The following CDKN2B-AS1 variants were observed in gnomAD, a reference collection of about 807,000 sequenced individuals.
The protein encoded by CDKN2B-AS1 is CDKN2B and CDKN2A antisense cis and trans regulatory RNA 1.
intron 4 of CDKN2B-AS1, among the ~76,000 whole-genome samples, chr9:22,127,093 C>T (rs1440831528): frequency 5.3e-5 from 8 of 151,830 alleles, no homozygotes. Context: ...TTTTTCTTTT[C>T]TTTTTTTAGA....
In CDKN2B-AS1 at chr9:22,124,369, A is replaced by G. The variant is rs17761458; in HGVS notation, n.439-2734A>G. On this transcript the variant is annotated intron_variant and non_coding_transcript_variant, in intron 4 of 4. Coordinates refer to ENST00000650946, the Ensembl canonical transcript of CDKN2B-AS1. ...AAAGCTTCTAAACTAACAAACAGCC[A>G]ATTTGTGGAGTGTCACTGGAAAGTG... 8.0e-3 allele frequency among the ~76,000 whole-genome samples: 1,212 copies of G among 152,264 alleles called. 76 individuals carry two copies. In the East Asian group the frequency reaches 0.16, roughly 20 times the overall value.
chr9:22,088,249 G>C (rs1366237401), intron 4 of CDKN2B-AS1, among the ~76,000 whole-genome samples: 18 of 152,148 alleles, frequency 1.2e-4, no homozygotes, highest in Admixed American at 6.5e-5. Context: ...GATTATGAAA[G>C]GTCGTAAGAA....
rs144053296 is a variant in CDKN2B-AS1, at chr9:22,090,418, G to A, written n.438+34031G>A. ...GAATCGACACACTGACTTCCACAAC[G>A]GTTGAACTAGTTTACAGTCCCACCA... On this transcript the variant is annotated intron_variant and non_coding_transcript_variant, in intron 4 of 4. Coordinates refer to ENST00000650946, the Ensembl canonical transcript of CDKN2B-AS1. Among the ~76,000 whole-genome samples, 23 of 152,260 alleles carry A rather than the reference G, an allele frequency of 1.5e-4. No homozygotes were observed. In the East Asian group the frequency reaches 4.3e-3, roughly 28 times the overall value.
At position 22,101,154 on chromosome 9, in the gene CDKN2B-AS1, C is replaced by T. The variant is rs184923130; in HGVS notation, n.439-25949C>T. ...TTCAGAGACACCCTTCAACAGACTG[C>T]GCTTCTTATTTTCAGAGTATGTATT... is the stretch of plus-strand genomic sequence containing the variant. On this transcript the variant is annotated intron_variant and non_coding_transcript_variant, in intron 4 of 4. Transcript: ENST00000650946. Among the ~76,000 whole-genome samples, 462 of 152,208 alleles carry T rather than the reference C, an allele frequency of 3.0e-3. 2 individuals are homozygous for T. Among genetic ancestry groups the T allele is most frequent in the Non-Finnish European group, 5.3e-3 (363 of 68,000 alleles).
At chr9:22,020,897 A>T (rs1330032113) in intron 1 of CDKN2B-AS1, among the ~76,000 whole-genome samples, 2 of 152,148 alleles carry the variant, frequency 1.3e-5, no homozygotes, top group Non-Finnish European at 2.9e-5. Flanking sequence ...TGCATTTGTC[A>T]ATTTTTTCTT....
chr9:22,038,854 C>G (rs186659826), intron 1 of CDKN2B-AS1, among the ~76,000 whole-genome samples: 34 of 152,074 alleles, frequency 2.2e-4, no homozygotes, highest in Non-Finnish European at 4.6e-4. Context: ...CTGCTTATCT[C>G]CTTTTGTACT....
intron 1 of CDKN2B-AS1, among the ~76,000 whole-genome samples, chr9:22,028,006 T>C (rs146585936): frequency 6.6e-6 from 1 of 152,258 alleles, no homozygotes; most frequent in East Asian, 1.9e-4. Context: ...TCTTCATCAA[T>C]ATCTTCATTC....
chr9:21,997,208 T>C lies in CDKN2B-AS1; in HGVS notation n.29+2047T>C, dbSNP rs1286349357. 6.6e-6 allele frequency among the ~76,000 whole-genome samples: 1 copy of C among 152,198 alleles called. No individual in the cohort carries two copies. Among genetic ancestry groups the C allele is most frequent in the Non-Finnish European group, 1.5e-5 (1 of 68,032 alleles). On this transcript the variant is annotated intron_variant and non_coding_transcript_variant, in intron 1 of 4. Coordinates refer to ENST00000650946, the Ensembl canonical transcript of CDKN2B-AS1. The surrounding 1 kb of genome is among the most constrained non-coding windows in gnomAD (Gnocchi z 4.8). ...CAACATGTTACTATACTGAATACTG[T>C]AGATAATTGTAACAAAATGTAGTTT...
chr9:22,103,052 C>A (rs568795171), intron 4 of CDKN2B-AS1, among the ~76,000 whole-genome samples: 2 of 151,958 alleles, frequency 1.3e-5, no homozygotes, highest in South Asian at 4.2e-4. Context: ...CAAACACAAT[C>A]TATCCAGAAA....
chr9:22,050,946 C>G (rs1359199423), intron 3 of CDKN2B-AS1, among the ~76,000 whole-genome samples: 1 of 152,130 alleles, frequency 6.6e-6, no homozygotes. Context: ...AAACGGCTAC[C>G]GTTTTTGCAG....
At chr9:22,014,713 C>G (rs991878811) in intron 1 of CDKN2B-AS1, among the ~76,000 whole-genome samples, 10 of 151,294 alleles carry the variant, frequency 6.6e-5, no homozygotes, top group Admixed American at 4.6e-4. Context: ...CACCCATTAA[C>G]TTGTCATTTA....
rs955363704 is a variant in CDKN2B-AS1, at chr9:21,997,060, C to T, written n.29+1899C>T. On this transcript the variant is annotated intron_variant and non_coding_transcript_variant, in intron 1 of 4. Transcript: ENST00000650946. This position sits in a 1 kb window ranked among gnomAD's most constrained non-coding sequence, Gnocchi z 4.8. ...TTGCTTAACAACAGGGATACATTCT[C>T]AGACATGTATCTTTAGGCGATTTCA... Among the ~76,000 whole-genome samples, 2 of 152,160 alleles carry T rather than the reference C, an allele frequency of 1.3e-5. No individual in the cohort carries two copies. The highest frequency in any genetic ancestry group is 1.3e-4 in the Admixed American group (2 of 15,276).
intron 1 of CDKN2B-AS1, among the ~76,000 whole-genome samples, chr9:21,998,025 C>G (rs1418754134): frequency 6.6e-6 from 1 of 152,108 alleles, no homozygotes; most frequent in African/African-American, 2.4e-5. Flanking sequence ...GGAATGCCAT[C>G]TGAATAAAAG....
intron 1 of CDKN2B-AS1, chr9:22,003,572 T>C (rs1304252092): frequency 8.7e-6 from 2 of 229,238 alleles, no homozygotes; most frequent in African/African-American, 4.4e-5. Context: ...ACTTCTTTTA[T>C]ATAGAATGTT....
chr9:22,046,184 G>A (rs1000841597), intron 1 of CDKN2B-AS1: 2 of 152,114 alleles, frequency 1.3e-5, no homozygotes. Flanking sequence ...ACTATATCTA[G>A]CAATAATTCA....
chr9:22,008,920 C>T lies in CDKN2B-AS1; in HGVS notation n.29+13759C>T, dbSNP rs771151576. The T allele has an allele frequency of 2.9e-5, 47 of 1,612,850 alleles. No individual in the cohort carries two copies. The highest frequency in any genetic ancestry group is 1.6e-4 in the Middle Eastern group (1 of 6,084). ...CTGGCCAGACCCTCATCGCTGCCGCCCCCACTGGGCATGCCCTTGTTCTCC... is the reference window on the plus strand; with the variant it reads ...CTGGCCAGACCCTCATCGCTGCCGCTCCCACTGGGCATGCCCTTGTTCTCC... On this transcript the variant is annotated intron_variant and non_coding_transcript_variant, in intron 1 of 4. Coordinates refer to ENST00000650946, the Ensembl canonical transcript of CDKN2B-AS1.
intron 4 of CDKN2B-AS1, among the ~76,000 whole-genome samples, chr9:22,104,307 C>A (rs1009265571): frequency 5.9e-5 from 9 of 152,120 alleles, no homozygotes; most frequent in Non-Finnish European, 8.8e-5. Context: ...GTTAGAAGTG[C>A]AAAGGAAACC....
chr9:22,091,305 T>C (rs924707722), intron 4 of CDKN2B-AS1, among the ~76,000 whole-genome samples: 1 of 152,182 alleles, frequency 6.6e-6, no homozygotes, highest in African/African-American at 2.4e-5. Context: ...GACTTGGCAA[T>C]GCAGGCTCTT....
chr9:22,113,781 G>C (rs72654244), intron 4 of CDKN2B-AS1: 3 of 152,140 alleles, frequency 2.0e-5, no homozygotes, highest in Non-Finnish European at 4.4e-5. Context: ...ACTTGAAGAT[G>C]GTGAAGGAAT....
Sources: allele counts gnomAD v4.1 joint callset (sites outside exome capture counted in the v4.1 genomes callset), GRCh38; gene constraint gnomAD v4.1.1; non-coding constraint Gnocchi (gnomAD v3.1); transcripts MANE v1.5; gene names NCBI Gene and HGNC (gene_info 2026-07-23, HGNC 2026-07-21).